Variants in ERC1 observed in about 807,000 individuals in gnomAD.
ERC1 encodes the protein ELKS/RAB6-interacting/CAST family member 1.
Under a neutral mutation model 132.0 loss-of-function variants are expected in ERC1, and 56 were observed. The ratio of observed to expected loss-of-function variants is 0.42; its 90% CI spans 0.34 to 0.53. The LOEUF is 0.53. Ranked by LOEUF, ERC1 falls within the 20% of genes least tolerant of loss-of-function variation. The pLI, the probability that ERC1 is intolerant of heterozygous loss-of-function variation, is 0.03. For missense variants in ERC1, 1,202 were observed against 1,349.9 expected (o/e 0.89, Z 1.72); for synonymous variants, 478 against 476.1 (o/e 1.00, Z -0.05).
intron 1 of ERC1, among the ~76,000 whole-genome samples, chr12:999,083 C>T (rs2154130320): frequency 6.6e-6 from 1 of 152,190 alleles, no homozygotes; most frequent in Admixed American, 6.5e-5. Flanking sequence ...TGGTCTCGAA[C>T]TCCTGGCCTC....
intron 16 of ERC1, among the ~76,000 whole-genome samples, chr12:1,398,170 G>T (rs2090701753): frequency 6.6e-6 from 1 of 151,988 alleles, no homozygotes; most frequent in Non-Finnish European, 1.5e-5. Flanking sequence ...TTTTTGTAGA[G>T]ATGGGGTTTC....
intron 1 of ERC1, among the ~76,000 whole-genome samples, chr12:1,001,277 C>T (rs1380232743): frequency 2.6e-5 from 4 of 152,140 alleles, no homozygotes; most frequent in South Asian, 2.1e-4. Flanking sequence ...AGGCTGGCAT[C>T]GAATTCATAG....
intron 13 of ERC1, among the ~76,000 whole-genome samples, chr12:1,260,007 A>G (rs565651348): frequency 2.0e-5 from 3 of 152,120 alleles, no homozygotes; most frequent in Admixed American, 1.3e-4. Flanking sequence ...AGGTTGTGTC[A>G]TGCTTGTGGT....
chr12:1,484,121 T>G (rs181716746), intron 18 of ERC1, among the ~76,000 whole-genome samples: 2 of 151,044 alleles, frequency 1.3e-5, no homozygotes, highest in Admixed American at 6.6e-5. Context: ...CTGGCTAACA[T>G]GGTGAAACCC....
At chr12:1,209,594 A>G (rs1295544951) in intron 12 of ERC1, among the ~76,000 whole-genome samples, 1 of 152,190 alleles carries the variant, frequency 6.6e-6, no homozygotes, top group African/African-American at 2.4e-5. Context: ...GGGTAATTTG[A>G]TTATTTTATA....
intron 14 of ERC1, among the ~76,000 whole-genome samples, chr12:1,273,798 T>C (rs2078052785): frequency 6.6e-6 from 1 of 152,194 alleles, no homozygotes; most frequent in Admixed American, 6.5e-5. Flanking sequence ...TGGATATCTA[T>C]CTATCTACAT....
chr12:1,290,750 G>A, intron 15 of ERC1, among the ~76,000 whole-genome samples: 1 of 125,170 alleles, frequency 8.0e-6, no homozygotes, highest in Non-Finnish European at 1.7e-5. Flanking sequence ...GTCTATCCTG[G>A]GATCCCTCAG....
intron 18 of ERC1, among the ~76,000 whole-genome samples, chr12:1,462,732 C>T (rs1033570039): frequency 1.3e-5 from 2 of 152,030 alleles, no homozygotes; most frequent in African/African-American, 4.8e-5. Context: ...TATATTTTGA[C>T]TGGGGAGATG....
At chr12:1,225,199 C>G (rs929591465) in intron 12 of ERC1, among the ~76,000 whole-genome samples, 7 of 151,946 alleles carry the variant, frequency 4.6e-5, no homozygotes, top group Non-Finnish European at 1.0e-4. Flanking sequence ...ATGCTCACAC[C>G]TGTAATCTCA....
At chr12:1,083,664 T>C in intron 3 of ERC1, 84 bp downstream of exon 3, 1 of 1,063,428 alleles carries the variant, frequency 9.4e-7, no homozygotes, top group Non-Finnish European at 1.4e-6. Flanking sequence ...CCAGTGAATC[T>C]ACGTGCTCTG....
intron 18 of ERC1, among the ~76,000 whole-genome samples, chr12:1,457,805 G>A (rs1351785826): frequency 6.6e-6 from 1 of 151,998 alleles, no homozygotes; most frequent in Non-Finnish European, 1.5e-5. Context: ...AAGTGGGAGG[G>A]TCACTTGAGC....
At chr12:1,283,191 T>A (rs1254484302) in intron 14 of ERC1, among the ~76,000 whole-genome samples, 1 of 152,182 alleles carries the variant, frequency 6.6e-6, no homozygotes, top group Admixed American at 6.5e-5. Context: ...CTGCACACTG[T>A]CAGGCCCCGT....
chr12:1,276,964 C>T (rs2078319098), intron 14 of ERC1, among the ~76,000 whole-genome samples: 1 of 152,140 alleles, frequency 6.6e-6, no homozygotes, highest in Admixed American at 6.5e-5. Context: ...AACAGAAGAA[C>T]TTAAAGGTGT....
chr12:1,441,187 T>A (rs1339784815), intron 17 of ERC1, among the ~76,000 whole-genome samples: 4 of 152,090 alleles, frequency 2.6e-5, no homozygotes, highest in Middle Eastern at 3.4e-3. Context: ...GCCTCCCAAG[T>A]AGCTGGGATT....
At chr12:1,307,933 A>T (rs2081003852) in intron 15 of ERC1, among the ~76,000 whole-genome samples, 2 of 152,248 alleles carry the variant, frequency 1.3e-5, no homozygotes, top group African/African-American at 4.8e-5. Flanking sequence ...GATGTAATGT[A>T]GTGTGACCAG....
chr12:1,251,493 G>C (rs2076468387), intron 13 of ERC1, among the ~76,000 whole-genome samples: 1 of 152,056 alleles, frequency 6.6e-6, no homozygotes, highest in Non-Finnish European at 1.5e-5. Context: ...GATCACAATG[G>C]AAAAGTGTGC....
chr12:1,015,382 A>G (rs984522249), intron 1 of ERC1, among the ~76,000 whole-genome samples: 2 of 151,600 alleles, frequency 1.3e-5, no homozygotes, highest in Non-Finnish European at 3.0e-5. Context: ...TCTTTTTTTT[A>G]AATTAGGATT....
intron 1 of ERC1, among the ~76,000 whole-genome samples, chr12:993,563 T>C (rs967668330): frequency 2.6e-5 from 4 of 152,238 alleles, no homozygotes; most frequent in African/African-American, 7.2e-5. Flanking sequence ...GTGTCATAGA[T>C]AAGTATGCCA....
intron 8 of ERC1, among the ~76,000 whole-genome samples, chr12:1,156,604 C>T (rs1327380097): frequency 6.6e-6 from 1 of 152,120 alleles, no homozygotes; most frequent in Admixed American, 6.5e-5. Flanking sequence ...ATATTGTATG[C>T]GTGTAAAATG....
Sources: gnomAD v4.1 joint callset for allele counts (sites outside exome capture counted in the v4.1 genomes callset) on GRCh38, gnomAD v4.1.1 for gene constraint, MANE v1.5 for transcripts, NCBI Gene and HGNC (gene_info 2026-07-23, HGNC 2026-07-21) for gene names.